The following SYNJ2 variants were observed in gnomAD, a reference collection of about 807,000 sequenced individuals.
SYNJ2 encodes polyphosphatidylinositol phosphatase SYNJ2.
A neutral mutation model predicts 141.3 loss-of-function variants in SYNJ2; 116 were observed. That is an observed-to-expected ratio of 0.82 (90% CI 0.71 to 0.96). SYNJ2 has a LOEUF of 0.96. SYNJ2 is among the 40% of genes least tolerant of loss of function. SYNJ2 has a pLI of 0.00. For synonymous variants in SYNJ2, 745 were observed against 777.7 expected, an observed-to-expected ratio of 0.96 and a Z score of 0.70; for missense variants, 1,873 against 1,934.8, an observed-to-expected ratio of 0.97 and a Z score of 0.60.
chr6:158,078,809 G>T (rs9632484), intron 18 of SYNJ2: 39,806 of 72,618 alleles, frequency 0.55, 7,783 homozygotes, highest in African/African-American at 0.59. Flanking sequence ...TTTTTTTTTT[G>T]AGAGAGAGTC....
At chr6:158,012,079 A>G (rs753470398) in intron 1 of SYNJ2, among the ~76,000 whole-genome samples, 1 of 152,176 alleles carries the variant, frequency 6.6e-6, no homozygotes, top group Non-Finnish European at 1.5e-5. Flanking sequence ...TTGGGGTTTC[A>G]TAGGCCACCT....
At chr6:158,003,771 G>A (rs1025986900) in intron 1 of SYNJ2, among the ~76,000 whole-genome samples, 2 of 152,150 alleles carry the variant, frequency 1.3e-5, no homozygotes, top group African/African-American at 2.4e-5. Context: ...TGCTCCCACT[G>A]AGACCAGCCT....
chr6:158,078,044 A>G (rs1237848697), intron 17 of SYNJ2, 120 bp from the exon 18 acceptor site: 2 of 655,674 alleles, frequency 3.1e-6, no homozygotes, highest in Non-Finnish European at 5.4e-6. Flanking sequence ...AGTAAGGAGG[A>G]TGAGTCTGGG....
chr6:158,069,697 A>T, intron 14 of SYNJ2, 24 bp downstream of exon 14: 1 of 1,582,208 alleles, frequency 6.3e-7, no homozygotes, highest in South Asian at 1.2e-5. Context: ...GTTTACACAC[A>T]TCTGGGGAAC....
intron 5 of SYNJ2, among the ~76,000 whole-genome samples, chr6:158,050,429 G>T (rs1437953334): frequency 1.3e-5 from 2 of 152,244 alleles, no homozygotes; most frequent in African/African-American, 4.8e-5. Context: ...TCACCCGGGG[G>T]TGGTGCTCCC....
At position 158,045,870 on chromosome 6, in the gene SYNJ2, C is replaced by T. The variant is rs370493119; in HGVS notation, c.795+2471C>T. On this transcript the variant is annotated intron_variant, in intron 5 of 26. Transcript: ENST00000355585. ...GGACCACGAGGTCTCAGCTTTTTGG[C>T]AGCTGTTTCACCCTCTTAAATTCCT... Among the ~76,000 whole-genome samples the T allele has an allele frequency of 3.9e-5, 6 of 152,344 alleles. No individual in the cohort carries two copies. The South Asian group carries it at 1.2e-3, about 32-fold the overall frequency.
chr6:158,003,000 C>T (rs1329398128), intron 1 of SYNJ2, among the ~76,000 whole-genome samples: 1 of 152,226 alleles, frequency 6.6e-6, no homozygotes, highest in Non-Finnish European at 1.5e-5. Flanking sequence ...CCCTCTTTGG[C>T]CACAGCTCAG....
Position 158,076,570 on chromosome 6 carries a change from A to G in SYNJ2, c.2293-56A>G, listed in dbSNP as rs1782303090. ...GCCTTTTCAGTTTTCGTTTTTGTATATAACATTCAGGATCGAAAACTACGG... is the reference window on the plus strand; with the variant it reads ...GCCTTTTCAGTTTTCGTTTTTGTATGTAACATTCAGGATCGAAAACTACGG... On this transcript the variant is annotated intron_variant, in intron 16 of 26. Coordinates refer to ENST00000355585, the MANE Select transcript of SYNJ2 (RefSeq NM_003898.4). 4.5e-6 allele frequency: 7 copies of G among 1,561,386 alleles called. No individual in the cohort carries two copies. In the South Asian group the frequency reaches 7.1e-5, roughly 16 times the overall value.
chr6:157,986,585 C>T lies in SYNJ2; in HGVS notation c.127+4497C>T, dbSNP rs188377123. The stretch of plus-strand genomic sequence containing the variant: ...CTGGCCCCAAATGATCCGCCCACCT[C>T]AGCCTCTCAAAGTGCTGGGGTTACA... On this transcript the variant is annotated intron_variant, in intron 1 of 26. Coordinates refer to ENST00000355585, the MANE Select transcript of SYNJ2 (RefSeq NM_003898.4). 9.9e-5 allele frequency among the ~76,000 whole-genome samples: 15 copies of T among 152,134 alleles called. No individual in the cohort carries two copies. The East Asian group carries it at 2.9e-3, about 29-fold the overall frequency.
At position 157,991,842 on chromosome 6, in the gene SYNJ2, A is replaced by G. The variant is rs1470055000; in HGVS notation, c.127+9754A>G. Among the ~76,000 whole-genome samples the G allele has an allele frequency of 2.0e-5, 3 of 152,270 alleles. No homozygotes were observed. The East Asian group carries it at 5.8e-4, about 29-fold the overall frequency. ...CATGAGATTATCTCTCCTTGAGTCT[A>G]CCCTTTCCTACAACCAGCAAAAACT... On this transcript the variant is annotated intron_variant, in intron 1 of 26. Transcript: ENST00000355585.
intron 4 of SYNJ2, among the ~76,000 whole-genome samples, chr6:158,038,556 C>T (rs1327879523): frequency 6.6e-6 from 1 of 152,232 alleles, no homozygotes; most frequent in Non-Finnish European, 1.5e-5. Flanking sequence ...GCCCATCCAT[C>T]GGAGACCCCG....
At chr6:157,989,736 G>C (rs916802678) in intron 1 of SYNJ2, among the ~76,000 whole-genome samples, 3 of 152,130 alleles carry the variant, frequency 2.0e-5, no homozygotes, top group African/African-American at 4.8e-5. Context: ...GCGCCCCCCA[G>C]TGCAAAGGAT....
At chr6:158,061,969 C>A (rs372970687) in intron 7 of SYNJ2, 23 bp from the exon 8 acceptor site, 32 of 1,610,174 alleles carry the variant, frequency 2.0e-5, no homozygotes, top group Admixed American at 3.3e-5. Context: ...GCTCCCCTCA[C>A]CGCCCTCCCC....
intron 1 of SYNJ2, among the ~76,000 whole-genome samples, chr6:158,008,684 C>T (rs1235278508): frequency 1.3e-5 from 2 of 152,190 alleles, no homozygotes; most frequent in South Asian, 2.1e-4. Flanking sequence ...CTAAAAAGCA[C>T]GTGTGTATGT....
rs892800200 is a variant in SYNJ2 at position 158,066,598 on chromosome 6, C to T, written c.1680C>T (p.Leu560=). ...LRTAELTDWL[L]DSPQLSGATD... is the part of the protein sequence containing the mutation. ...CGGCGGAGCTGACAGACTGGCTGCTCGACTCGCCCCAGCTCTCGGGAGCTA... is the reference window on the plus strand; with the variant it reads ...CGGCGGAGCTGACAGACTGGCTGCTTGACTCGCCCCAGCTCTCGGGAGCTA... Residue 560 remains leucine, a synonymous_variant, in exon 12 of 27, where the codon CTC becomes CTT. Coordinates refer to ENST00000355585, the MANE Select transcript of SYNJ2 (RefSeq NM_003898.4). The T allele has an allele frequency of 2.1e-5, 34 of 1,613,902 alleles. No homozygotes were observed. In the East Asian group the frequency reaches 5.1e-4, roughly 24 times the overall value.
chr6:158,093,288 T>C (rs1783584969), intron 26 of SYNJ2, among the ~76,000 whole-genome samples, 184 bp downstream of exon 26: 1 of 151,864 alleles, frequency 6.6e-6, no homozygotes, highest in Non-Finnish European at 1.5e-5. Flanking sequence ...ATAGAAAAAT[T>C]AGCCGGGCGT....
intron 2 of SYNJ2, among the ~76,000 whole-genome samples, chr6:158,022,395 C>T (rs191246678): frequency 6.6e-6 from 1 of 152,298 alleles, no homozygotes; most frequent in East Asian, 1.9e-4. Context: ...CTGCAAGCCA[C>T]GTATCATGAC....
intron 1 of SYNJ2, among the ~76,000 whole-genome samples, chr6:158,005,077 C>CT (rs1276366674): frequency 1.2e-4 from 16 of 129,452 alleles, no homozygotes; most frequent in African/African-American, 5.3e-4. Context: ...GTCCCAGTGA[C>CT]TATTTTTTTT....
chr6:158,096,534 C>A lies in SYNJ2; in HGVS notation c.*170C>A. ...TGTCTCTTATTCAGTAAGATGGTTA[C>A]TCAGCCACCAAAATATATTTCACTC... is the stretch of plus-strand genomic sequence containing the variant. On this transcript the variant is annotated 3_prime_UTR_variant, in exon 27 of 27. Coordinates refer to ENST00000355585, the MANE Select transcript of SYNJ2 (RefSeq NM_003898.4). 1.5e-6 allele frequency: 1 copy of A among 658,290 alleles called. No homozygotes were observed. 40.8% of individuals were successfully genotyped at this position (658,290 alleles called of 1,614,324 possible).
Sources: allele counts gnomAD v4.1 joint callset (sites outside exome capture counted in the v4.1 genomes callset), GRCh38; gene constraint gnomAD v4.1.1; transcripts MANE v1.5; gene names NCBI Gene and HGNC (gene_info 2026-07-23, HGNC 2026-07-21).